Variants in CENPK observed in about 807,000 individuals in gnomAD.
The protein encoded by CENPK is centromere protein K, also known as SoxLZ/Sox6-binding protein Solt.
In CENPK, 46 loss-of-function variants were observed where a neutral mutation model predicts 40.9. That is an observed-to-expected ratio of 1.13 (90% CI 0.89 to 1.44). The LOEUF (loss-of-function observed/expected upper bound fraction) is 1.44, where lower values mean the gene tolerates loss of function less well. Ranked by LOEUF, CENPK falls within the 40% of genes most tolerant of loss-of-function variation. CENPK has a pLI of 0.00. For missense variants in CENPK, 288 were observed against 303.5 expected (o/e 0.95, Z 0.38); for synonymous variants, 107 against 104.4 (o/e 1.02, Z -0.15).
chr5:65,545,003 T>C (rs554380176), intron 5 of CENPK, among the ~76,000 whole-genome samples: 1 of 152,316 alleles, frequency 6.6e-6, no homozygotes, highest in African/African-American at 2.4e-5. Context: ...TTAAAAATGG[T>C]TAAAATTGTA....
chr5:65,528,684 T>G (rs1260816299), intron 8 of CENPK, 106 bp from the exon 9 acceptor site: 6 of 1,291,186 alleles, frequency 4.6e-6, no homozygotes, highest in Non-Finnish European at 6.2e-6. Flanking sequence ...AAACTTCATT[T>G]GCTCAAACCA....
chr5:65,552,673 A>G (rs969699847), intron 3 of CENPK, 124 bp from the exon 4 acceptor site: 1 of 498,714 alleles, frequency 2.0e-6, no homozygotes, highest in African/African-American at 2.0e-5. Context: ...GATGGAGAAG[A>G]GTTTATTGAA....
intron 4 of CENPK, 143 bp downstream of exon 4, chr5:65,552,350 A>G (rs1239119408): frequency 8.7e-6 from 4 of 460,320 alleles, no homozygotes; most frequent in Non-Finnish European, 1.2e-5. Context: ...AAGCAGGAAG[A>G]GTAAGAAGTT....
intron 2 of CENPK, among the ~76,000 whole-genome samples, chr5:65,560,402 G>C (rs1265728071): frequency 3.9e-5 from 6 of 152,124 alleles, no homozygotes; most frequent in African/African-American, 1.4e-4. Flanking sequence ...TTGTGGCTGG[G>C]ATGGGCCAAA....
intron 5 of CENPK, among the ~76,000 whole-genome samples, chr5:65,546,504 A>G (rs960105281): frequency 6.6e-6 from 1 of 152,254 alleles, no homozygotes; most frequent in Non-Finnish European, 1.5e-5. Context: ...GATATTGCAG[A>G]GAAGTCTGCT....
At chr5:65,551,161 G>A (rs1425120104) in intron 5 of CENPK, 1 of 399,680 alleles carries the variant, frequency 2.5e-6, no homozygotes, top group Admixed American at 2.9e-5. Flanking sequence ...GAGGTAGGAG[G>A]ATCACTTGAA....
downstream of CENPK, among the ~76,000 whole-genome samples, chr5:65,514,389 C>T (rs1403368666): frequency 6.6e-6 from 1 of 151,626 alleles, no homozygotes; most frequent in African/African-American, 2.4e-5. Context: ...CTCAGCCTCC[C>T]GAGTAGCTGG....
chr5:65,555,005 G>C, intron 2 of CENPK, 59 bp from the exon 3 acceptor site: 2 of 761,110 alleles, frequency 2.6e-6, no homozygotes, highest in Non-Finnish European at 4.6e-6. Context: ...TTACCTGCCA[G>C]ATACTCATCT....
At chr5:65,533,102 G>A (rs1032355476) in intron 6 of CENPK, among the ~76,000 whole-genome samples, 1 of 151,972 alleles carries the variant, frequency 6.6e-6, no homozygotes, top group Non-Finnish European at 1.5e-5. Flanking sequence ...GCTCATGCCT[G>A]TAATCTCAGC....
intron 2 of CENPK, among the ~76,000 whole-genome samples, chr5:65,558,922 A>T (rs1751442750): frequency 6.6e-6 from 1 of 152,226 alleles, no homozygotes; most frequent in African/African-American, 2.4e-5. Flanking sequence ...AGGAGCTAAA[A>T]ATCTTCAAGG....
At chr5:65,521,365 T>C in intron 10 of CENPK, 110 bp downstream of exon 10, 1 of 696,506 alleles carries the variant, frequency 1.4e-6, no homozygotes, top group Non-Finnish European at 2.5e-6. Context: ...TAAAGATTGA[T>C]GCATACTTTA....
At chr5:65,502,230 T>C in the CENPK span, among the ~76,000 whole-genome samples, 2 of 152,228 alleles carry the variant, frequency 1.3e-5, no homozygotes, top group African/African-American at 2.4e-5. Context: ...ATCCTTTTGA[T>C]AGAGCAAAGT....
rs752161299 is a variant in CENPK, at chr5:65,552,473, AG to A, written c.168+19del. 8.9e-6 allele frequency: 13 copies of A among 1,468,448 alleles called. No homozygotes were observed. The Admixed American group carries it at 2.9e-4, about 33-fold the overall frequency. The allele number at this position is 1,468,448 out of a possible 1,614,324, so 91.0% of individuals were successfully genotyped here. ...TAATTCCACTTACCTTGTATTTTTT[AG>A]GAAGAAAAAGATTCATACCTGAGCA... is the stretch of plus-strand genomic sequence containing the variant. On this transcript the variant is annotated intron_variant, in intron 4 of 10. Coordinates refer to ENST00000396679, the MANE Select transcript of CENPK (RefSeq NM_022145.5).
rs147705132 is a variant in CENPK, at chr5:65,561,618, A to G, written c.-141-54T>C. ...TTAAAACACACACACACACACACAC[A>G]CTTAAGAGTTGAACTTTTCCCGTTC... is the stretch of plus-strand genomic sequence containing the variant. On this transcript the variant is annotated intron_variant, in intron 1 of 10. Coordinates refer to ENST00000396679, the MANE Select transcript of CENPK (RefSeq NM_022145.5). The G allele has an allele frequency of 1.4e-4, 51 of 367,692 alleles. 1 individual carries two copies. In the East Asian group the frequency reaches 2.8e-3, roughly 20 times the overall value. 22.8% of individuals were successfully genotyped at this position (367,692 alleles called of 1,614,324 possible).
intron 5 of CENPK, among the ~76,000 whole-genome samples, chr5:65,549,646 T>C (rs973972256): frequency 6.6e-6 from 1 of 152,220 alleles, no homozygotes; most frequent in African/African-American, 2.4e-5. Flanking sequence ...TTTTATGTTA[T>C]GGAGATGGCT....
At chr5:65,535,709 A>C (rs1746770143) in intron 6 of CENPK, among the ~76,000 whole-genome samples, 1 of 152,174 alleles carries the variant, frequency 6.6e-6, no homozygotes, top group Non-Finnish European at 1.5e-5. Context: ...TGTTCATTGT[A>C]ATGTTCTCTC....
the CENPK span, among the ~76,000 whole-genome samples, chr5:65,496,099 A>G: frequency 2.6e-5 from 4 of 152,194 alleles, no homozygotes; most frequent in Non-Finnish European, 4.4e-5. Flanking sequence ...TCTACAAAAA[A>G]CACAAAAAAT....
chr5:65,561,211 TAC>T (rs1259273923), intron 2 of CENPK: 1 of 243,904 alleles, frequency 4.1e-6, no homozygotes, highest in Non-Finnish European at 8.5e-6. Context: ...ACCCATAAGA[TAC>T]AGTTTAAGTT....
At chr5:65,515,403 A>G (rs971208278), downstream of CENPK, among the ~76,000 whole-genome samples, 1 of 151,894 alleles carries the variant, frequency 6.6e-6, no homozygotes, top group African/African-American at 2.4e-5. Flanking sequence ...GGGTTTCACC[A>G]CGTTAGCCAG....
Sources: gnomAD v4.1 joint callset for allele counts (sites outside exome capture counted in the v4.1 genomes callset) on GRCh38, gnomAD v4.1.1 for gene constraint, MANE v1.5 for transcripts, NCBI Gene and HGNC (gene_info 2026-07-23, HGNC 2026-07-21) for gene names.